SHANK2: variants seen among roughly 807,000 people sequenced by gnomAD.
SHANK2 encodes the protein SH3 and multiple ankyrin repeat domains 2, also known as SH3 and multiple ankyrin repeat domains protein 2.
A neutral mutation model predicts 133.7 loss-of-function variants in SHANK2; 43 were observed. The observed-to-expected ratio is 0.32, with a 90% confidence interval of 0.25 to 0.41. The LOEUF (loss-of-function observed/expected upper bound fraction) is 0.41, where lower values mean the gene tolerates loss of function less well. SHANK2 is among the 10% of genes least tolerant of loss of function. The probability of loss-of-function intolerance (pLI) is 1.00; values close to 1 mark genes in which losing one functional copy is unlikely to be tolerated. For missense variants in SHANK2, 1,994 were observed against 2,235.8 expected (o/e 0.89, Z 2.18); for synonymous variants, 1,017 against 952.8 (o/e 1.07, Z -1.24).
At chr11:70,784,364 T>TTTTTTG (rs1565313742) in intron 14 of SHANK2, among the ~76,000 whole-genome samples, 30 of 133,556 alleles carry the variant, frequency 2.2e-4, no homozygotes, top group African/African-American at 9.8e-4. Flanking sequence ...TTTTTTTTTT[T>TTTTTTG]TTTTTTTTTT....
intron 2 of SHANK2, among the ~76,000 whole-genome samples, chr11:71,149,492 C>G (rs1408315343): frequency 6.6e-6 from 1 of 152,254 alleles, no homozygotes; most frequent in Middle Eastern, 3.4e-3. Context: ...CAACCCAGCC[C>G]AAGCTGTAGG....
intron 6 of SHANK2, among the ~76,000 whole-genome samples, chr11:71,098,682 A>G (rs1951667927): frequency 6.6e-6 from 1 of 152,224 alleles, no homozygotes; most frequent in African/African-American, 2.4e-5. Context: ...TTATAAGTCA[A>G]CCAGAAAGTG....
At chr11:70,527,451 G>T (rs1554972366) in intron 17 of SHANK2, among the ~76,000 whole-genome samples, 1 of 152,144 alleles carries the variant, frequency 6.6e-6, no homozygotes, top group Non-Finnish European at 1.5e-5. Context: ...CTCAGGTGGG[G>T]CCTGATTCAA....
chr11:70,490,168 G>A (rs141683325), intron 23 of SHANK2, 108 bp downstream of exon 23: 2 of 931,926 alleles, frequency 2.1e-6, no homozygotes, highest in African/African-American at 1.6e-5. Flanking sequence ...GCTGGGGTGG[G>A]ACGCCAAGGC....
chr11:71,082,566 G>A (rs1321235373), intron 8 of SHANK2, among the ~76,000 whole-genome samples: 3 of 152,176 alleles, frequency 2.0e-5, no homozygotes, highest in African/African-American at 2.4e-5. Flanking sequence ...TCCCACCCTG[G>A]CAGGAAGGTA....
At chr11:70,694,187 G>GAT in intron 15 of SHANK2, among the ~76,000 whole-genome samples, 1 of 152,358 alleles carries the variant, frequency 6.6e-6, no homozygotes, top group South Asian at 2.1e-4. Flanking sequence ...GTCCCAAGTA[G>GAT]AAATGGCCCT....
In SHANK2 at chr11:71,167,984, C is replaced by T. The variant is rs1258594254; in HGVS notation, c.-12-20646G>A. Among the ~76,000 whole-genome samples, 15 of 141,346 alleles carry T rather than the reference C, an allele frequency of 1.1e-4. 2 individuals are homozygous for T. Among genetic ancestry groups the T allele is most frequent in the Admixed American group, 1.0e-3 (15 of 14,790 alleles). 92.7% of individuals were successfully genotyped at this position (141,346 alleles called of 152,430 possible). A position where few individuals can be genotyped will look rare whatever the true frequency, so the allele number is the denominator to read the frequency against. On this transcript the variant is annotated intron_variant, in intron 2 of 25. Transcript: ENST00000601538. ...CCGGGCAGAGAAGCTCCTCACTTCC[C>T]AGACGGGGTGGCTGCTGGGCGGAGG... is the stretch of plus-strand genomic sequence containing the variant.
chr11:70,582,840 T>C (rs531651443), intron 17 of SHANK2, among the ~76,000 whole-genome samples: 1 of 152,318 alleles, frequency 6.6e-6, no homozygotes, highest in African/African-American at 2.4e-5. Context: ...TCCCTGGTGA[T>C]CTGAGTCAGT....
intron 3 of SHANK2, among the ~76,000 whole-genome samples, chr11:71,141,896 C>A (rs1367131017): frequency 6.6e-6 from 1 of 151,880 alleles, no homozygotes; most frequent in Non-Finnish European, 1.5e-5. Flanking sequence ...GTCAGGGAAG[C>A]CACAGGGACC....
At chr11:70,540,429 T>C (rs1331304938) in intron 17 of SHANK2, among the ~76,000 whole-genome samples, 2 of 152,064 alleles carry the variant, frequency 1.3e-5, no homozygotes, top group African/African-American at 4.8e-5. Flanking sequence ...TCCTCTCTCC[T>C]GCGGAGTCGG....
intron 11 of SHANK2, among the ~76,000 whole-genome samples, chr11:70,854,853 G>T (rs1949143278): frequency 6.6e-6 from 1 of 152,234 alleles, no homozygotes; most frequent in Non-Finnish European, 1.5e-5. Context: ...GTCCACCACA[G>T]AGCAGGGACT....
chr11:70,791,553 C>T (rs782765223), intron 14 of SHANK2, among the ~76,000 whole-genome samples: 6 of 152,192 alleles, frequency 3.9e-5, no homozygotes, highest in South Asian at 2.1e-4. Flanking sequence ...ACTCTTCATA[C>T]GCATCATCTC....
rs782779412 is a variant in SHANK2 at position 71,166,790 on chromosome 11, CT to C, written c.-12-19453del. Among the ~76,000 whole-genome samples the C allele has an allele frequency of 4.5e-3, 625 of 137,612 alleles. 1 individual carries two copies. The highest frequency in any genetic ancestry group is 6.0e-3 in the African/African-American group (225 of 37,800). The allele number at this position is 137,612 out of a possible 152,430, so 90.3% of individuals were successfully genotyped here. ...GAGCCACCACACCGGGCCCACACTT[CT>C]TTTTTTTTTTTTTTTAATTGATCAT... On this transcript the variant is annotated intron_variant, in intron 2 of 25. Transcript: ENST00000601538.
chr11:70,718,905 GGC>G (rs1383698849), intron 14 of SHANK2, among the ~76,000 whole-genome samples: 1 of 152,186 alleles, frequency 6.6e-6, no homozygotes, highest in African/African-American at 2.4e-5. Context: ...GCCGGTCACT[GGC>G]GCTATGAGCT....
At chr11:71,120,968 C>A (rs1477331142) in intron 3 of SHANK2, among the ~76,000 whole-genome samples, 1 of 152,222 alleles carries the variant, frequency 6.6e-6, no homozygotes, top group Non-Finnish European at 1.5e-5. Context: ...CAGGTGATTG[C>A]AAAGATAGGT....
intron 14 of SHANK2, among the ~76,000 whole-genome samples, chr11:70,771,435 G>A (rs10793293): frequency 0.72 from 109,028 of 152,150 alleles, 42,304 homozygotes; most frequent in East Asian, 0.98. Flanking sequence ...GGATGGAGAT[G>A]CCCAGTGGCA....
chr11:70,744,143 C>A (rs566845933), intron 14 of SHANK2, among the ~76,000 whole-genome samples: 3 of 152,340 alleles, frequency 2.0e-5, no homozygotes, highest in African/African-American at 7.2e-5. Context: ...AGTGGAAGAA[C>A]CAGGAACACA....
chr11:70,800,557 C>T (rs1555050304), intron 13 of SHANK2, among the ~76,000 whole-genome samples: 1 of 152,162 alleles, frequency 6.6e-6, no homozygotes, highest in Non-Finnish European at 1.5e-5. Context: ...AACCACTCAG[C>T]CCACGATTTT....
At chr11:70,711,823 C>T (rs1267798852) in intron 14 of SHANK2, among the ~76,000 whole-genome samples, 8 of 152,244 alleles carry the variant, frequency 5.3e-5, no homozygotes, top group Non-Finnish European at 8.8e-5. Flanking sequence ...ATTCATCAAG[C>T]ACCTTCTGGG....
Sources: gnomAD v4.1 joint callset for allele counts (sites outside exome capture counted in the v4.1 genomes callset) on GRCh38, gnomAD v4.1.1 for gene constraint, MANE v1.5 for transcripts, NCBI Gene and HGNC (gene_info 2026-07-23, HGNC 2026-07-21) for gene names.